PLCB4: variants seen among roughly 807,000 people sequenced by gnomAD.
PLCB4 encodes the protein phospholipase C beta 4.
In PLCB4, 77 loss-of-function variants were observed where a neutral mutation model predicts 178.8. That is an observed-to-expected ratio of 0.43 (90% CI 0.36 to 0.52). The LOEUF is 0.52. Ranked by LOEUF, PLCB4 falls within the 20% of genes least tolerant of loss-of-function variation. The pLI is 0.00. For synonymous variants in PLCB4, 496 were observed against 490.8 expected, an observed-to-expected ratio of 1.01 and a Z score of -0.14; for missense variants, 1,024 against 1,453.4, an observed-to-expected ratio of 0.70 and a Z score of 4.80.
chr20:9,152,876 C>T (rs535042693), intron 2 of PLCB4, among the ~76,000 whole-genome samples: 2 of 152,184 alleles, frequency 1.3e-5, no homozygotes, highest in African/African-American at 4.8e-5. Context: ...CCCTGCAAAG[C>T]CGTAGGGGTG....
intron 20 of PLCB4, among the ~76,000 whole-genome samples, chr20:9,404,087 G>C (rs571310297): frequency 1.3e-5 from 2 of 152,242 alleles, no homozygotes; most frequent in African/African-American, 4.8e-5. Flanking sequence ...TTTCTTTTTC[G>C]GATGAATGAA....
chr20:9,127,795 C>T (rs1182090424), intron 2 of PLCB4, among the ~76,000 whole-genome samples: 1 of 152,040 alleles, frequency 6.6e-6, no homozygotes, highest in African/African-American at 2.4e-5. Context: ...AGTGATTCTC[C>T]TGCCTCTGCC....
At chr20:9,404,649 TG>T (rs2039301732) in intron 20 of PLCB4, among the ~76,000 whole-genome samples, 1 of 151,980 alleles carries the variant, frequency 6.6e-6, no homozygotes, top group Admixed American at 6.6e-5. Context: ...TCATCAATAT[TG>T]TCTTAGTGTC....
At chr20:9,318,446 A>C (rs2094924828) in intron 4 of PLCB4, among the ~76,000 whole-genome samples, 1 of 152,100 alleles carries the variant, frequency 6.6e-6, no homozygotes, top group African/African-American at 2.4e-5. Flanking sequence ...ACCTGAAAAG[A>C]TATCTCAAAA....
chr20:9,212,956 A>G (rs2093688248), intron 2 of PLCB4, among the ~76,000 whole-genome samples: 1 of 152,012 alleles, frequency 6.6e-6, no homozygotes, highest in African/African-American at 2.4e-5. Flanking sequence ...TATCAACACA[A>G]TCTAACCTTT....
chr20:9,207,683 C>A (rs532330971), intron 2 of PLCB4, among the ~76,000 whole-genome samples: 1 of 152,272 alleles, frequency 6.6e-6, no homozygotes, highest in Non-Finnish European at 1.5e-5. Flanking sequence ...AGAGGAGGGC[C>A]CACCATCTGC....
intron 2 of PLCB4, among the ~76,000 whole-genome samples, chr20:9,157,198 C>CTT (rs2092806840): frequency 6.8e-6 from 1 of 147,400 alleles, no homozygotes; most frequent in East Asian, 2.0e-4. Context: ...CCCTGGAAGC[C>CTT]AAGGACAGAG....
chr20:9,211,311 T>A (rs2147242758), intron 2 of PLCB4, among the ~76,000 whole-genome samples: 1 of 152,322 alleles, frequency 6.6e-6, no homozygotes, highest in African/African-American at 2.4e-5. Flanking sequence ...AGCTGGTCAA[T>A]GATGGTGCTC....
chr20:9,477,301 G>C (rs1317652443), intron 39 of PLCB4, among the ~76,000 whole-genome samples: 1 of 152,150 alleles, frequency 6.6e-6, no homozygotes, highest in Non-Finnish European at 1.5e-5. Context: ...GGATAGTTTT[G>C]AGAGTGAAAG....
At chr20:9,284,928 A>G (rs2094524055) in intron 3 of PLCB4, among the ~76,000 whole-genome samples, 1 of 152,012 alleles carries the variant, frequency 6.6e-6, no homozygotes, top group Non-Finnish European at 1.5e-5. Context: ...TATGTTATAA[A>G]TGAAAAAGCA....
intron 1 of PLCB4, among the ~76,000 whole-genome samples, chr20:9,094,978 G>C (rs2090844468): frequency 6.6e-6 from 1 of 152,138 alleles, no homozygotes. Context: ...CAGTACTGCT[G>C]GTTGACATAT....
chr20:9,392,295 G>A (rs1286468072), intron 17 of PLCB4, among the ~76,000 whole-genome samples: 1 of 152,198 alleles, frequency 6.6e-6, no homozygotes, highest in African/African-American at 2.4e-5. Context: ...CCACAGGGTG[G>A]GAGCAGCCTG....
intron 1 of PLCB4, among the ~76,000 whole-genome samples, chr20:9,095,317 G>A (rs1201972849): frequency 2.0e-5 from 3 of 152,158 alleles, no homozygotes; most frequent in Non-Finnish European, 4.4e-5. Context: ...TGCATTGGCG[G>A]TCATTTCAAA....
At chr20:9,355,943 T>G (rs1018673650) in intron 7 of PLCB4, among the ~76,000 whole-genome samples, 1 of 152,128 alleles carries the variant, frequency 6.6e-6, no homozygotes, top group African/African-American at 2.4e-5. Context: ...CCCCTCCACA[T>G]CCTCTCCAGC....
At chr20:9,196,350 G>T (rs2147164820) in intron 2 of PLCB4, among the ~76,000 whole-genome samples, 1 of 152,262 alleles carries the variant, frequency 6.6e-6, no homozygotes, top group South Asian at 2.1e-4. Context: ...ATGACTTCTG[G>T]GCATGTAAAT....
intron 9 of PLCB4, among the ~76,000 whole-genome samples, chr20:9,366,440 A>G (rs2035792872): frequency 6.6e-6 from 1 of 151,886 alleles, no homozygotes; most frequent in Admixed American, 6.6e-5. Flanking sequence ...AATCAAGAAT[A>G]AAGAAAACAT....
chr20:9,206,339 A>G (rs1429693325), intron 2 of PLCB4, among the ~76,000 whole-genome samples: 1 of 126,230 alleles, frequency 7.9e-6, no homozygotes, highest in African/African-American at 3.1e-5. Flanking sequence ...TTTTTCAGTA[A>G]GAAACCCTTT....
chr20:9,367,624 C>T (rs2035893779), intron 9 of PLCB4, among the ~76,000 whole-genome samples: 1 of 152,146 alleles, frequency 6.6e-6, no homozygotes, highest in Admixed American at 6.6e-5. Context: ...TTTTACATGC[C>T]TTACTATCCT....
At chr20:9,271,685 G>C (rs2094404259) in intron 3 of PLCB4, among the ~76,000 whole-genome samples, 1 of 152,104 alleles carries the variant, frequency 6.6e-6, no homozygotes, top group South Asian at 2.1e-4. Flanking sequence ...ATGTTTTGTG[G>C]ATCAATGAGA....
Sources: gnomAD v4.1 joint callset for allele counts (sites outside exome capture counted in the v4.1 genomes callset) on GRCh38, gnomAD v4.1.1 for gene constraint, MANE v1.5 for transcripts, NCBI Gene and HGNC (gene_info 2026-07-23, HGNC 2026-07-21) for gene names.